The following PTPRD variants were observed in gnomAD, a reference collection of about 807,000 sequenced individuals.
PTPRD encodes the protein receptor-type tyrosine-protein phosphatase delta.
PTPRD carries 34 observed loss-of-function variants against 214.5 expected under a neutral mutation model. The ratio of observed to expected loss-of-function variants is 0.16; its 90% CI spans 0.12 to 0.21. The LOEUF is 0.21. PTPRD is among the 10% of genes least tolerant of loss of function. The pLI, the probability that PTPRD is intolerant of heterozygous loss-of-function variation, is 1.00. For synonymous variants in PTPRD, 1,128 were observed against 845.7 expected (o/e 1.33, Z -5.79); for missense variants, 2,545 against 2,398.7 (o/e 1.06, Z -1.27).
At chr9:10,177,791 T>C (rs2099258304) in intron 3 of PTPRD, among the ~76,000 whole-genome samples, 1 of 151,996 alleles carries the variant, frequency 6.6e-6, no homozygotes, top group South Asian at 2.1e-4. Flanking sequence ...GGGGTCATAT[T>C]TAAATACTGA....
At chr9:9,968,727 AAACAAC>A (rs959064771) in intron 4 of PTPRD, among the ~76,000 whole-genome samples, 11 of 152,148 alleles carry the variant, frequency 7.2e-5, no homozygotes, top group Non-Finnish European at 1.3e-4. Flanking sequence ...TAGGTCACAG[AAACAAC>A]AACAACAACA....
chr9:8,527,156 T>C (rs2074387969), intron 16 of PTPRD, among the ~76,000 whole-genome samples, 189 bp downstream of exon 16: 1 of 152,034 alleles, frequency 6.6e-6, no homozygotes, highest in Admixed American at 6.6e-5. Context: ...TTGTGTACTA[T>C]TTAATTTTTC....
At chr9:9,578,651 T>G (rs921044675) in intron 7 of PTPRD, among the ~76,000 whole-genome samples, 1 of 152,284 alleles carries the variant, frequency 6.6e-6, no homozygotes, top group South Asian at 2.1e-4. Flanking sequence ...TAAATAGTAC[T>G]GTAATAGGAT....
At chr9:9,691,134 C>A (rs2097263099) in intron 7 of PTPRD, among the ~76,000 whole-genome samples, 1 of 151,748 alleles carries the variant, frequency 6.6e-6, no homozygotes, top group Non-Finnish European at 1.5e-5. Context: ...CAAGCATTAT[C>A]CTTTGTGTTT....
At chr9:9,749,594 A>T (rs1398327634) in intron 6 of PTPRD, among the ~76,000 whole-genome samples, 3 of 152,192 alleles carry the variant, frequency 2.0e-5, no homozygotes, top group Non-Finnish European at 4.4e-5. Context: ...ACAAGACAAT[A>T]TTCTATAGAC....
At position 10,394,180 on chromosome 9, in the gene PTPRD, A is replaced by ATATATATAGATATCTT. The variant is rs1565755065; in HGVS notation, c.-599-53164_-599-53163insAAGATATCTATATATA. On this transcript the variant is annotated intron_variant, in intron 2 of 45. Transcript: ENST00000381196. ...TATAGATATATATACATATATATCT[A>ATATATATAGATATCTT]TATATAAAGATATATATAAAGATAA... Among the ~76,000 whole-genome samples the ATATATATAGATATCTT allele has an allele frequency of 1.4e-3, 189 of 137,822 alleles. 1 individual carries two copies. The highest frequency in any genetic ancestry group is 4.4e-3 in the African/African-American group (169 of 38,172). 90.4% of individuals were successfully genotyped at this position (137,822 alleles called of 152,430 possible).
intron 12 of PTPRD, among the ~76,000 whole-genome samples, chr9:8,653,802 A>T (rs1284136293): frequency 6.6e-6 from 1 of 152,200 alleles, no homozygotes; most frequent in African/African-American, 2.4e-5. Flanking sequence ...TATTCACTGT[A>T]TACGAATTTC....
chr9:8,384,269 C>G (rs928318894), intron 37 of PTPRD, among the ~76,000 whole-genome samples: 1 of 152,072 alleles, frequency 6.6e-6, no homozygotes, highest in Non-Finnish European at 1.5e-5. Flanking sequence ...TTGCCCAGAC[C>G]AATTCGTGTG....
intron 3 of PTPRD, among the ~76,000 whole-genome samples, chr9:10,275,719 A>T (rs2154385799): frequency 6.6e-6 from 1 of 152,302 alleles, no homozygotes; most frequent in Non-Finnish European, 1.5e-5. Flanking sequence ...GCAGGAGAGA[A>T]TTCTTAGAAG....
chr9:10,445,056 A>G (rs1482879708), intron 2 of PTPRD, among the ~76,000 whole-genome samples: 3 of 151,972 alleles, frequency 2.0e-5, no homozygotes, highest in Non-Finnish European at 4.4e-5. Flanking sequence ...AAGCAAAGGT[A>G]TAGAGGATTT....
chr9:9,528,388 A>G (rs1320990226), intron 8 of PTPRD, among the ~76,000 whole-genome samples: 1 of 152,208 alleles, frequency 6.6e-6, no homozygotes, highest in African/African-American at 2.4e-5. Context: ...TAGCACCTTC[A>G]GAAGAATATT....
At chr9:8,536,201 C>A (rs537016758) in intron 14 of PTPRD, among the ~76,000 whole-genome samples, 1 of 151,844 alleles carries the variant, frequency 6.6e-6, no homozygotes, top group African/African-American at 2.4e-5. Flanking sequence ...ATGCAAATTG[C>A]TATTCTTCAA....
At chr9:10,409,001 T>C (rs2098406155) in intron 2 of PTPRD, among the ~76,000 whole-genome samples, 1 of 151,752 alleles carries the variant, frequency 6.6e-6, no homozygotes, top group Non-Finnish European at 1.5e-5. Context: ...AGACTATAGA[T>C]CAGGAATTGT....
intron 2 of PTPRD, among the ~76,000 whole-genome samples, chr9:10,548,988 C>T (rs1305333969): frequency 6.6e-6 from 1 of 152,286 alleles, no homozygotes; most frequent in Admixed American, 6.5e-5. Context: ...CTGCTTTGAA[C>T]ATTTTCCACA....
chr9:8,877,515 A>C (rs2098404723), intron 11 of PTPRD, among the ~76,000 whole-genome samples: 1 of 152,138 alleles, frequency 6.6e-6, no homozygotes, highest in Non-Finnish European at 1.5e-5. Context: ...ATAGATTCTA[A>C]TATTTTAGTG....
At chr9:8,342,773 A>G (rs1853729723) in intron 39 of PTPRD, among the ~76,000 whole-genome samples, 1 of 152,156 alleles carries the variant, frequency 6.6e-6, no homozygotes, top group African/African-American at 2.4e-5. Context: ...CGACATAAAG[A>G]TGACTTAGAT....
At chr9:8,546,404 A>T (rs1451147038) in intron 14 of PTPRD, among the ~76,000 whole-genome samples, 2 of 152,172 alleles carry the variant, frequency 1.3e-5, no homozygotes, top group East Asian at 3.8e-4. Flanking sequence ...AGAGAATAGC[A>T]TTTACTATTT....
At chr9:8,727,291 G>A (rs960837955) in intron 12 of PTPRD, among the ~76,000 whole-genome samples, 1 of 152,204 alleles carries the variant, frequency 6.6e-6, no homozygotes. Flanking sequence ...TTGTGACAGA[G>A]TCTTAATCTT....
chr9:8,677,575 T>C (rs2097454417), intron 12 of PTPRD, among the ~76,000 whole-genome samples: 2 of 152,186 alleles, frequency 1.3e-5, no homozygotes, highest in Non-Finnish European at 2.9e-5. Flanking sequence ...AGGTATTATC[T>C]GAGTGATGAA....
Sources: gnomAD v4.1 joint callset for allele counts (sites outside exome capture counted in the v4.1 genomes callset) on GRCh38, gnomAD v4.1.1 for gene constraint, MANE v1.5 for transcripts, NCBI Gene and HGNC (gene_info 2026-07-23, HGNC 2026-07-21) for gene names.